SDCCAG8: variants seen among roughly 807,000 people sequenced by gnomAD.
SDCCAG8 encodes serologically defined colon cancer antigen 8.
SDCCAG8 carries 74 observed loss-of-function variants against 101.8 expected under a neutral mutation model. The observed-to-expected ratio is 0.73, with a 90% confidence interval of 0.60 to 0.88. The LOEUF is 0.88. Ranked by LOEUF, SDCCAG8 falls within the 40% of genes least tolerant of loss-of-function variation. The pLI, the probability that SDCCAG8 is intolerant of heterozygous loss-of-function variation, is 0.00. For missense variants in SDCCAG8, 787 were observed against 822.6 expected, an observed-to-expected ratio of 0.96 and a Z score of 0.53; for synonymous variants, 281 against 292.9, an observed-to-expected ratio of 0.96 and a Z score of 0.41.
rs1332847143 is a variant in SDCCAG8 at position 243,270,145 on chromosome 1, GA to G, written c.111del (p.Glu38LysfsTer65). The G allele has an allele frequency of 1.2e-6, 2 of 1,614,186 alleles. No individual in the cohort carries two copies. The highest frequency in any genetic ancestry group is 1.7e-6 in the Non-Finnish European group (2 of 1,180,038). On this transcript the variant is annotated frameshift_variant, in exon 2 of 18. Coordinates refer to ENST00000366541, the MANE Select transcript of SDCCAG8 (RefSeq NM_006642.5). LOFTEE classifies it high-confidence loss of function. ...GCATTCACCAACTGACATGTGCCCT[GA>G]AAGAAGGCGATGTCACTATTGGAGA... is the stretch of plus-strand genomic sequence containing the variant. ...RSIHQLTCAL[K>X]EGDVTIGEDA...
chr1:243,418,004 C>T lies in SDCCAG8; in HGVS notation c.1781C>T (p.Thr594Ile), dbSNP rs2080722665. 1.2e-6 allele frequency: 2 copies of T among 1,612,828 alleles called. No individual in the cohort carries two copies. Among genetic ancestry groups the T allele is most frequent in the East Asian group, 4.5e-5 (2 of 44,792 alleles). ...TATTTGTTGCTGACCTCCCAGAATA[C>T]ATTTTTGACAAAGTTAAAGGAAGAA... ...EQYLLLTSQNTFLTKLKEECC... is the reference protein window; with the variant it reads ...EQYLLLTSQNIFLTKLKEECC... The change falls in exon 15 of 18, where the codon ACA becomes ATA. Residue 594 changes from threonine to isoleucine, a missense_variant. Transcript: ENST00000366541.
At chr1:243,302,438 G>T (rs1032798197) in intron 6 of SDCCAG8, among the ~76,000 whole-genome samples, 1 of 152,076 alleles carries the variant, frequency 6.6e-6, no homozygotes, top group East Asian at 1.9e-4. Context: ...CTACTGTTTC[G>T]TGCAAATGTA....
At chr1:243,479,859 G>T (rs1663123945) in intron 16 of SDCCAG8, among the ~76,000 whole-genome samples, 2 of 152,056 alleles carry the variant, frequency 1.3e-5, no homozygotes. Flanking sequence ...GAATTAGAAT[G>T]TACCAGTGGT....
intron 5 of SDCCAG8, among the ~76,000 whole-genome samples, 156 bp downstream of exon 5, chr1:243,286,553 T>C (rs977621690): frequency 5.9e-5 from 9 of 152,250 alleles, no homozygotes; most frequent in Admixed American, 5.2e-4. Flanking sequence ...AACTTCACTG[T>C]GGTGGAATGA....
chr1:243,459,334 G>C (rs1558498262), intron 16 of SDCCAG8, among the ~76,000 whole-genome samples: 1 of 152,194 alleles, frequency 6.6e-6, no homozygotes, highest in Non-Finnish European at 1.5e-5. Flanking sequence ...TGCTCTCACT[G>C]AAAGTTCATA....
At chr1:243,341,647 GTCATTAAAATAAAGATTC>G (rs2075387898) in intron 11 of SDCCAG8, among the ~76,000 whole-genome samples, 1 of 152,002 alleles carries the variant, frequency 6.6e-6, no homozygotes, top group African/African-American at 2.4e-5. Flanking sequence ...TTCAGACTTG[GTCATTAAAATAAAGATTC>G]TAATACTACA....
intron 13 of SDCCAG8, among the ~76,000 whole-genome samples, chr1:243,393,708 C>T (rs74150990): frequency 0.012 from 1,901 of 152,200 alleles, 32 homozygotes; most frequent in African/African-American, 0.043. Context: ...TCACTTTATA[C>T]ATTTTATGCA....
chr1:243,339,551 T>G (rs1320755227), intron 10 of SDCCAG8, among the ~76,000 whole-genome samples: 1 of 152,222 alleles, frequency 6.6e-6, no homozygotes, highest in Non-Finnish European at 1.5e-5. Context: ...ATGTGAAAAT[T>G]AGATTTGTAG....
chr1:243,312,960 CTT>C (rs1272322332), intron 8 of SDCCAG8, among the ~76,000 whole-genome samples: 5 of 152,216 alleles, frequency 3.3e-5, no homozygotes, highest in Admixed American at 3.3e-4. Context: ...ACAGTAACCT[CTT>C]TTTCTTGCTT....
intron 9 of SDCCAG8, among the ~76,000 whole-genome samples, chr1:243,320,667 C>T (rs1558290089): frequency 1.3e-5 from 2 of 152,150 alleles, no homozygotes; most frequent in Non-Finnish European, 2.9e-5. Context: ...CCAGTTTTTC[C>T]TCATCTGTAA....
chr1:243,414,648 A>G (rs1364932664), intron 13 of SDCCAG8, among the ~76,000 whole-genome samples: 2 of 152,180 alleles, frequency 1.3e-5, no homozygotes, highest in African/African-American at 4.8e-5. Flanking sequence ...TACATAGACT[A>G]GTAGTGATAG....
chr1:243,307,883 G>A, intron 7 of SDCCAG8, 106 bp from the exon 8 acceptor site: 1 of 1,579,816 alleles, frequency 6.3e-7, no homozygotes, highest in Non-Finnish European at 8.5e-7. Context: ...TAAAGCATAA[G>A]GTGAGTACCC....
At chr1:243,499,012 A>G (rs1433843858) in intron 17 of SDCCAG8, among the ~76,000 whole-genome samples, 2 of 152,206 alleles carry the variant, frequency 1.3e-5, no homozygotes, top group African/African-American at 4.8e-5. Flanking sequence ...AACTCCAGAC[A>G]TGCTTTGTGG....
intron 12 of SDCCAG8, among the ~76,000 whole-genome samples, chr1:243,368,385 G>T (rs1325031448): frequency 6.6e-6 from 1 of 152,168 alleles, no homozygotes; most frequent in African/African-American, 2.4e-5. Flanking sequence ...TTTTAGTTAT[G>T]TTCTCTCCAC....
chr1:243,383,085 G>A (rs536511009), intron 13 of SDCCAG8, among the ~76,000 whole-genome samples: 1 of 152,276 alleles, frequency 6.6e-6, no homozygotes, highest in East Asian at 1.9e-4. Context: ...TAAGGGAGTG[G>A]TTAAAAGCAC....
At position 243,344,343 on chromosome 1, in the gene SDCCAG8, C is replaced by T. The variant is rs1230977330; in HGVS notation, c.1473+12C>T. 3 of 1,536,608 alleles carry T rather than the reference C, an allele frequency of 2.0e-6. No individual in the cohort carries two copies. Among genetic ancestry groups the T allele is most frequent in the Non-Finnish European group, 1.8e-6 (2 of 1,109,604 alleles). On this transcript the variant is annotated intron_variant, in intron 12 of 17. Transcript: ENST00000366541. ...AAATTAAAGATCAGGTAAGAGAGGACACAGCATAATTGCAGCAATTATAGA... is the reference window on the plus strand; with the variant it reads ...AAATTAAAGATCAGGTAAGAGAGGATACAGCATAATTGCAGCAATTATAGA...
intron 12 of SDCCAG8, among the ~76,000 whole-genome samples, chr1:243,350,735 T>C (rs1173773622): frequency 6.6e-6 from 1 of 152,160 alleles, no homozygotes; most frequent in East Asian, 1.9e-4. Flanking sequence ...CACAATAGCC[T>C]GAAACAAGAA....
intron 6 of SDCCAG8, among the ~76,000 whole-genome samples, chr1:243,303,770 G>C (rs1366547212): frequency 6.6e-6 from 1 of 151,936 alleles, no homozygotes; most frequent in Non-Finnish European, 1.5e-5. Flanking sequence ...AAGTTTTGGG[G>C]GAGTCAAAAG....
intron 12 of SDCCAG8, among the ~76,000 whole-genome samples, chr1:243,359,048 A>G (rs2076547689): frequency 1.3e-5 from 2 of 152,178 alleles, no homozygotes; most frequent in Non-Finnish European, 2.9e-5. Flanking sequence ...TTGCACAACT[A>G]TTTTATTTCC....
Sources: allele counts gnomAD v4.1 joint callset (sites outside exome capture counted in the v4.1 genomes callset), GRCh38; gene constraint gnomAD v4.1.1; transcripts MANE v1.5; gene names NCBI Gene and HGNC (gene_info 2026-07-23, HGNC 2026-07-21).